CHKB: variants seen among roughly 807,000 people sequenced by gnomAD.
The protein encoded by CHKB is choline/ethanolamine kinase.
CHKB carries 45 observed loss-of-function variants against 57.3 expected under a neutral mutation model. That is an observed-to-expected ratio of 0.79 (90% CI 0.62 to 1.01). The LOEUF is 1.01. CHKB is among the 50% of genes least tolerant of loss of function. CHKB has a pLI of 0.00. For synonymous variants in CHKB, 224 were observed against 201.8 expected, an observed-to-expected ratio of 1.11 and a Z score of -0.93; for missense variants, 517 against 502.8, an observed-to-expected ratio of 1.03 and a Z score of -0.27.
chr22:50,582,812 C>T lies in CHKB; in HGVS notation c.-31G>A. 1 of 1,532,178 alleles carries T rather than the reference C, an allele frequency of 6.5e-7. No homozygotes were observed. Among genetic ancestry groups the T allele is most frequent in the Non-Finnish European group, 8.8e-7 (1 of 1,139,938 alleles). 94.9% of individuals were successfully genotyped at this position (1,532,178 alleles called of 1,614,324 possible). On this transcript the variant is annotated 5_prime_UTR_variant, in exon 1 of 11. Transcript: ENST00000406938. ...GGGCTCGACCGGGCCCCAGGCCAGGCTGCGCTCCGCTCCCTTCGGACGGGC... is the reference window on the plus strand; with the variant it reads ...GGGCTCGACCGGGCCCCAGGCCAGGTTGCGCTCCGCTCCCTTCGGACGGGC...
Position 50,581,375 on chromosome 22 carries a change from GTTCA to G in CHKB, c.581+41_581+44del, listed in dbSNP as rs754882358. 6 of 1,609,434 alleles carry G rather than the reference GTTCA, an allele frequency of 3.7e-6. No individual in the cohort carries two copies. In the East Asian group the frequency reaches 1.3e-4, roughly 36 times the overall value. On this transcript the variant is annotated intron_variant, in intron 4 of 10. Transcript: ENST00000406938. ...CCCCGACACATCCGCTGGCATGGAG[GTTCA>G]GCTCAGGAGTACAGGAGCCCTGAGG... is the stretch of plus-strand genomic sequence containing the variant.
intron 6 of CHKB, 36 bp from the exon 7 acceptor site, chr22:50,580,307 G>A (rs1319547111): frequency 1.9e-6 from 3 of 1,613,646 alleles, no homozygotes; most frequent in African/African-American, 2.7e-5. Context: ...TCACTCCAGA[G>A]CCCTCTGGCT....
chr22:50,582,788 G>C lies in CHKB; in HGVS notation c.-7C>G, dbSNP rs771910804. On this transcript the variant is annotated 5_prime_UTR_variant, in exon 1 of 11. Transcript: ENST00000406938. The stretch of plus-strand genomic sequence containing the variant: ...CTGTCGCCTCGGCCGCCATGGCGCG[G>C]GCTCGACCGGGCCCCAGGCCAGGCT... 1 of 1,556,390 alleles carries C rather than the reference G, an allele frequency of 6.4e-7. No individual in the cohort carries two copies. The highest frequency in any genetic ancestry group is 8.7e-7 in the Non-Finnish European group (1 of 1,152,788).
chr22:50,580,446 G>A (rs1304849897), intron 5 of CHKB, 30 bp from the exon 6 acceptor site: 1 of 1,613,456 alleles, frequency 6.2e-7, no homozygotes, highest in Non-Finnish European at 8.5e-7. Flanking sequence ...TGGGTCCTGA[G>A]CAGGAGTGAC....
In CHKB at chr22:50,580,185, C is replaced by T. The variant is rs1203139486; in HGVS notation, c.818+5G>A. On this transcript the variant is annotated splice_donor_5th_base_variant and intron_variant, in intron 7 of 10. Coordinates refer to ENST00000406938, the MANE Select transcript of CHKB (RefSeq NM_005198.5). ...ATCTATGGGAAGCCATCTTTCCAGC[C>T]TCACCTATAGTTATAACTGCTGTAC... 4 of 1,613,822 alleles carry T rather than the reference C, an allele frequency of 2.5e-6. No homozygotes were observed. Among genetic ancestry groups the T allele is most frequent in the East Asian group, 2.2e-5 (1 of 44,890 alleles).
Position 50,582,814 on chromosome 22 carries a change from G to A in CHKB, c.-33C>T, listed in dbSNP as rs1298181732. ...GCTCGACCGGGCCCCAGGCCAGGCT[G>A]CGCTCCGCTCCCTTCGGACGGGCTC... On this transcript the variant is annotated 5_prime_UTR_variant, in exon 1 of 11. Transcript: ENST00000406938. The A allele has an allele frequency of 2.6e-6, 4 of 1,531,334 alleles. No homozygotes were observed. The Admixed American group carries it at 5.9e-5, about 23-fold the overall frequency. 94.9% of individuals were successfully genotyped at this position (1,531,334 alleles called of 1,614,324 possible). A position where few individuals can be genotyped will look rare whatever the true frequency, so the allele number is the denominator to read the frequency against.
In CHKB at chr22:50,579,200, C is replaced by T. The variant is rs1225733348; in HGVS notation, c.1169G>A (p.Ser390Asn). 1.9e-6 allele frequency: 3 copies of T among 1,613,814 alleles called. No individual in the cohort carries two copies. Among genetic ancestry groups the T allele is most frequent in the Non-Finnish European group, 2.5e-6 (3 of 1,179,858 alleles). The change falls in exon 11 of 11, where the codon AGT (serine) becomes AAT (asparagine). Residue 390 changes from serine to asparagine, a missense_variant. Transcript: ENST00000406938. ...FYFQQKGQLT[S>N]VHSSS The stretch of plus-strand genomic sequence containing the variant: ...GTGGAGTCAGGATGAGGAGTGGACA[C>T]TGGTCAGCTGCCCCTTCTGCTGGAA...
chr22:50,579,612 A>G, intron 9 of CHKB, 105 bp from the exon 10 acceptor site: 2 of 1,483,242 alleles, frequency 1.3e-6, no homozygotes, highest in South Asian at 1.1e-5. Flanking sequence ...CTTCTCCCCC[A>G]CTGTCCTAAC....
intron 2 of CHKB, 23 bp from the exon 3 acceptor site, chr22:50,581,885 G>A: frequency 6.2e-7 from 1 of 1,607,462 alleles, no homozygotes; most frequent in Non-Finnish European, 8.5e-7. Flanking sequence ...GGACAGCAAA[G>A]GGGCCAAGGC....
intron 2 of CHKB, 151 bp from the exon 3 acceptor site, chr22:50,582,013 G>A: frequency 1.3e-6 from 1 of 797,688 alleles, no homozygotes; most frequent in African/African-American, 1.7e-5. Flanking sequence ...TTTTTATTTA[G>A]AGATGGGGGT....
chr22:50,580,705 C>T (rs2070673940), intron 4 of CHKB, 45 bp from the exon 5 acceptor site: 1 of 1,571,728 alleles, frequency 6.4e-7, no homozygotes, highest in Non-Finnish European at 8.7e-7. Flanking sequence ...TATTCTTTCC[C>T]ACCCCTCGCC....
At position 50,580,398 on chromosome 22, in the gene CHKB, G is replaced by A. The variant is rs750454672; in HGVS notation, c.696C>T (p.Thr232=). The change falls in exon 6 of 11, where the codon ACC becomes ACT. Residue 232 remains threonine, a synonymous_variant. Coordinates refer to ENST00000406938, the MANE Select transcript of CHKB (RefSeq NM_005198.5). The stretch of plus-strand genomic sequence containing the variant: ...TGTGGCAGAAGACGACTGGCGATGG[G>A]GTAGACTCTAGTAACTTCCTACAGG... The part of the protein sequence containing the change: ...MGNLRKLLES[T]PSPVVFCHND... The A allele has an allele frequency of 1.2e-6, 2 of 1,614,024 alleles. No individual in the cohort carries two copies. The highest frequency in any genetic ancestry group is 1.7e-6 in the Non-Finnish European group (2 of 1,180,014).
Position 50,579,120 on chromosome 22 carries a change from C to G in CHKB, c.*61G>C. The G allele has an allele frequency of 2.0e-6, 3 of 1,515,554 alleles. No individual in the cohort carries two copies. The highest frequency in any genetic ancestry group is 1.8e-6 in the Non-Finnish European group (2 of 1,100,860). The allele number at this position is 1,515,554 out of a possible 1,614,324, so 93.9% of individuals were successfully genotyped here. A position where few individuals can be genotyped will look rare whatever the true frequency, so the allele number is the denominator to read the frequency against. On this transcript the variant is annotated 3_prime_UTR_variant, in exon 11 of 11. Transcript: ENST00000406938. ...TCGCCAGGGCCTTCTGCTCGTTGTT[C>G]CTCCCTCCAAGGTCCTGCCCTGGAG...
chr22:50,579,670 T>C (rs2070633578), intron 9 of CHKB, 57 bp downstream of exon 9: 1 of 1,533,088 alleles, frequency 6.5e-7, no homozygotes. Context: ...ATCTGCCTCT[T>C]CCCCAATCCC....
At position 50,582,582 on chromosome 22, in the gene CHKB, T is replaced by A. The variant is rs894738702; in HGVS notation, c.200A>T (p.Glu67Val). ...LGGAWRRVQPEELRVYPVSGG... is the reference protein window; with the variant it reads ...LGGAWRRVQPVELRVYPVSGG... ...CCTCACGGGGTAAACCCTCAGCTCC[T>A]CGGGCTGCACTCGGCGCCAGGCCCC... The change falls in exon 1 of 11, where the codon GAG (glutamate) becomes GTG (valine). Residue 67 changes from glutamate (E) to valine (V), a missense_variant. By Grantham distance (121) the Glu-to-Val change is moderately radical (BLOSUM62 -2). Transcript: ENST00000406938. 1.9e-6 allele frequency: 3 copies of A among 1,610,134 alleles called. No homozygotes were observed. The highest frequency in any genetic ancestry group is 1.1e-5 in the South Asian group (1 of 90,832).
chr22:50,582,442 C>T, intron 1 of CHKB, 85 bp from the exon 2 acceptor site: 2 of 1,458,490 alleles, frequency 1.4e-6, no homozygotes, highest in Non-Finnish European at 1.8e-6. Flanking sequence ...GCCGGCCCCG[C>T]CCCGCCCCAG....
chr22:50,579,582 G>A lies in CHKB; in HGVS notation c.1032-75C>T, dbSNP rs555450693. ...TGCTTGGATCCCCTCACCCAGGTTG[G>A]CCAATCCCTACAGTTTTAACTTCTC... On this transcript the variant is annotated intron_variant, in intron 9 of 10. Transcript: ENST00000406938. The A allele has an allele frequency of 1.9e-5, 30 of 1,560,126 alleles. No individual in the cohort carries two copies. The African/African-American group carries it at 3.9e-4, about 20-fold the overall frequency.
chr22:50,582,755 G>A lies in CHKB; in HGVS notation c.27C>T (p.Ala9=), dbSNP rs950364450. MAAEATAV[A]GSGAVGGCLA... is the part of the protein sequence containing the mutation. The stretch of plus-strand genomic sequence containing the variant: ...GGCAGCCGCCAACAGCCCCGCTTCC[G>A]GCCACAGCTGTCGCCTCGGCCGCCA... The change falls in exon 1 of 11, where the codon GCC becomes GCT. Residue 9 remains alanine (A), a synonymous_variant. Coordinates refer to ENST00000406938, the MANE Select transcript of CHKB (RefSeq NM_005198.5). The A allele has an allele frequency of 1.9e-6, 3 of 1,589,314 alleles. No homozygotes were observed. The highest frequency in any genetic ancestry group is 2.7e-5 in the African/African-American group (2 of 74,088).
At chr22:50,582,109 C>G in intron 2 of CHKB, 140 bp downstream of exon 2, 1 of 875,322 alleles carries the variant, frequency 1.1e-6, no homozygotes, top group Non-Finnish European at 1.8e-6. Context: ...GGAATACAGG[C>G]CCAGGCTTCG....
Sources: gnomAD v4.1 joint callset for allele counts on GRCh38, gnomAD v4.1.1 for gene constraint, MANE v1.5 for transcripts, NCBI Gene and HGNC (gene_info 2026-07-23, HGNC 2026-07-21) for gene names.